ANGPT1: variants seen among roughly 807,000 people sequenced by gnomAD.
ANGPT1 encodes angiopoietin 1.
A neutral mutation model predicts 62.2 loss-of-function variants in ANGPT1; 17 were observed. That is an observed-to-expected ratio of 0.27 (90% CI 0.19 to 0.41). The LOEUF (loss-of-function observed/expected upper bound fraction) is 0.41, where lower values mean the gene tolerates loss of function less well. ANGPT1 is among the 10% of genes least tolerant of loss of function. The pLI is 1.00. For synonymous variants in ANGPT1, 199 were observed against 198.9 expected (o/e 1.00, Z 0.00); for missense variants, 478 against 594.9 (o/e 0.80, Z 2.04).
At chr8:107,297,694 TATA>T (rs1421110329) in intron 5 of ANGPT1, among the ~76,000 whole-genome samples, 2 of 150,498 alleles carry the variant, frequency 1.3e-5, no homozygotes, top group Non-Finnish European at 3.0e-5. Context: ...CTCTAGTTAT[TATA>T]ATATTGGCAT....
At chr8:107,402,215 G>A (rs780106834) in intron 1 of ANGPT1, among the ~76,000 whole-genome samples, 2 of 152,102 alleles carry the variant, frequency 1.3e-5, no homozygotes, top group Admixed American at 6.6e-5. Context: ...ATTTTTTAAC[G>A]CACTGCCAAT....
chr8:107,376,046 C>T (rs1187748025), intron 1 of ANGPT1, among the ~76,000 whole-genome samples: 1 of 152,126 alleles, frequency 6.6e-6, no homozygotes, highest in African/African-American at 2.4e-5. Flanking sequence ...ATTTTTATCC[C>T]TATTCCTTTT....
intron 3 of ANGPT1, among the ~76,000 whole-genome samples, chr8:107,326,069 T>C (rs1815281219): frequency 6.6e-6 from 1 of 152,194 alleles, no homozygotes; most frequent in Non-Finnish European, 1.5e-5. Context: ...TTAATTTTCA[T>C]AATTCATCAG....
At chr8:107,339,809 G>A (rs1815655890) in intron 2 of ANGPT1, among the ~76,000 whole-genome samples, 1 of 152,184 alleles carries the variant, frequency 6.6e-6, no homozygotes, top group African/African-American at 2.4e-5. Context: ...CATGGTCACA[G>A]AAAGGGTAAC....
chr8:107,258,969 A>T (rs1345231062), intron 8 of ANGPT1, among the ~76,000 whole-genome samples: 1 of 152,190 alleles, frequency 6.6e-6, no homozygotes, highest in Non-Finnish European at 1.5e-5. Context: ...TTTATTGAAC[A>T]TATGCTATCT....
chr8:107,338,554 G>A (rs918794492), intron 2 of ANGPT1, among the ~76,000 whole-genome samples: 2 of 152,166 alleles, frequency 1.3e-5, no homozygotes, highest in African/African-American at 4.8e-5. Flanking sequence ...TCATTAGTAA[G>A]GATCTGAAAG....
Position 107,284,793 on chromosome 8 carries a change from A to G in ANGPT1, c.1094T>C (p.Ile365Thr). The G allele has an allele frequency of 6.2e-7, 1 of 1,610,998 alleles. No homozygotes were observed. Among genetic ancestry groups the G allele is most frequent in the Non-Finnish European group, 8.5e-7 (1 of 1,178,012 alleles). ...TAGCATGTACTGCCTCTGACTGGTA[A>G]TGGCAAAAATAAACTCATTCCCCAG... ...YWLGNEFIFA[I>T]TSQRQYMLRI... is the part of the protein sequence containing the mutation. The change falls in exon 7 of 9, where the codon ATT becomes ACT. Residue 365 changes from isoleucine (I) to threonine (T), a missense_variant. Ile to Thr is a moderately conservative substitution (Grantham distance 89). Transcript: ENST00000517746.
chr8:107,495,893 T>C (rs1043240052), intron 1 of ANGPT1, among the ~76,000 whole-genome samples: 42 of 152,306 alleles, frequency 2.8e-4, no homozygotes, highest in African/African-American at 1.0e-3. Context: ...TACAGTCCTA[T>C]AGTCTGTAAT....
Position 107,417,032 on chromosome 8 carries a change from G to A in ANGPT1, c.298-69935C>T, listed in dbSNP as rs112036321. On this transcript the variant is annotated intron_variant, in intron 1 of 8. Coordinates refer to ENST00000517746, the MANE Select transcript of ANGPT1 (RefSeq NM_001146.5). ...CCTCAAATTCCTGACCTCGTGATCC[G>A]CCCACCTCAACCTCCCAAAGTGTGA... Among the ~76,000 whole-genome samples the A allele has an allele frequency of 5.5e-3, 837 of 151,944 alleles. 8 individuals carry two copies. Among genetic ancestry groups the A allele is most frequent in the African/African-American group, 0.018 (734 of 41,470 alleles).
At chr8:107,267,048 T>G (rs1813630440) in intron 7 of ANGPT1, among the ~76,000 whole-genome samples, 1 of 151,926 alleles carries the variant, frequency 6.6e-6, no homozygotes, top group Non-Finnish European at 1.5e-5. Context: ...TATAAAATAT[T>G]ATTTATTTTT....
intron 1 of ANGPT1, among the ~76,000 whole-genome samples, chr8:107,412,676 C>T (rs948074925): frequency 1.3e-5 from 2 of 152,118 alleles, no homozygotes; most frequent in Admixed American, 6.6e-5. Flanking sequence ...AAGATGAATA[C>T]ATCCCCTGCC....
At chr8:107,424,692 A>G (rs535206310) in intron 1 of ANGPT1, among the ~76,000 whole-genome samples, 27 of 152,174 alleles carry the variant, frequency 1.8e-4, no homozygotes, top group Non-Finnish European at 3.1e-4. Context: ...ATAATATTCT[A>G]TGTACATTCT....
intron 1 of ANGPT1, among the ~76,000 whole-genome samples, chr8:107,378,601 C>A (rs899492304): frequency 6.6e-6 from 1 of 152,034 alleles, no homozygotes; most frequent in Admixed American, 6.6e-5. Flanking sequence ...AACTGTAATC[C>A]CCATGTTTGG....
chr8:107,419,410 T>C (rs1486789607), intron 1 of ANGPT1, among the ~76,000 whole-genome samples: 1 of 152,194 alleles, frequency 6.6e-6, no homozygotes, highest in Non-Finnish European at 1.5e-5. Context: ...AGGATGAATC[T>C]GCATAAACAG....
At chr8:107,364,224 T>C (rs1816226501) in intron 1 of ANGPT1, among the ~76,000 whole-genome samples, 2 of 152,182 alleles carry the variant, frequency 1.3e-5, no homozygotes, top group African/African-American at 4.8e-5. Context: ...GTTATATGAT[T>C]AAATAAAGAA....
Position 107,497,491 on chromosome 8 carries a change from C to T in ANGPT1, c.68G>A (p.Arg23His), listed in dbSNP as rs758677127. Residue 23 changes from arginine (R) to histidine (H), a missense_variant, in exon 1 of 9, where the codon CGC (arginine) becomes CAC (histidine). Transcript: ENST00000517746. The stretch of plus-strand genomic sequence containing the variant: ...TCTCCCACTGTTTTCTGGACTTCGG[C>T]GCTGATTGCTGCACCCTATGTGAGT... ...ILTHIGCSNQ[R>H]RSPENSGRRY... 2.5e-6 allele frequency: 4 copies of T among 1,614,006 alleles called. No homozygotes were observed. The highest frequency in any genetic ancestry group is 2.7e-5 in the African/African-American group (2 of 74,910).
chr8:107,339,244 G>T (rs1815643269), intron 2 of ANGPT1, among the ~76,000 whole-genome samples: 2 of 152,090 alleles, frequency 1.3e-5, no homozygotes, highest in South Asian at 4.1e-4. Context: ...ACATAAATCA[G>T]ATCATGCCAT....
intron 1 of ANGPT1, among the ~76,000 whole-genome samples, chr8:107,444,586 G>T (rs1166667988): frequency 6.6e-6 from 1 of 152,100 alleles, no homozygotes; most frequent in African/African-American, 2.4e-5. Flanking sequence ...ATAATGTCTA[G>T]AAAAATCTTT....
intron 1 of ANGPT1, among the ~76,000 whole-genome samples, chr8:107,391,206 A>G (rs1408383201): frequency 6.6e-6 from 1 of 152,220 alleles, no homozygotes; most frequent in Non-Finnish European, 1.5e-5. Context: ...TCTGGTTCCC[A>G]TCATAATGTG....
Sources: gnomAD v4.1 joint callset for allele counts (sites outside exome capture counted in the v4.1 genomes callset) on GRCh38, gnomAD v4.1.1 for gene constraint, MANE v1.5 for transcripts, NCBI Gene and HGNC (gene_info 2026-07-23, HGNC 2026-07-21) for gene names.